TMEM164: variants seen among roughly 807,000 people sequenced by gnomAD.
The protein encoded by TMEM164 is RP13-360B22.2.
In TMEM164, 4 loss-of-function variants were observed where a neutral mutation model predicts 18.8. The ratio of observed to expected loss-of-function variants is 0.21; its 90% CI spans 0.10 to 0.49. The LOEUF (loss-of-function observed/expected upper bound fraction) is 0.49. Among genes scored for constraint, TMEM164 ranks in the 20% least tolerant of loss-of-function variants. The probability of loss-of-function intolerance (pLI) is 0.98; values close to 1 mark genes in which losing one functional copy is unlikely to be tolerated. For synonymous variants in TMEM164, 86 were observed against 101.7 expected (o/e 0.85, Z 0.93); for missense variants, 108 against 239.9 (o/e 0.45, Z 3.63).
At chrX:110,170,923 G>A (rs1332075682) in intron 5 of TMEM164, among the ~76,000 whole-genome samples, 1 of 111,618 alleles carries the variant, frequency 9.0e-6, no homozygotes, top group African/African-American at 3.3e-5. Context: ...GCCCGTAAGC[G>A]GTAGAGTCAA....
At chrX:110,126,298 C>T (rs1351138092) in intron 4 of TMEM164, among the ~76,000 whole-genome samples, 1 of 111,966 alleles carries the variant, frequency 8.9e-6, no homozygotes, top group Admixed American at 9.4e-5. Flanking sequence ...ATCCAGAGCA[C>T]ATCTCTCCCT....
Position 110,167,944 on chromosome X carries a change from C to T in TMEM164, c.587-3476C>T, listed in dbSNP as rs188130739. ...GTTCCTTTCCCTCTGCAGCATGGGG[C>T]AAGACGGGAGGAGCATGATAACAGG... On this transcript the variant is annotated intron_variant, in intron 5 of 6. Transcript: ENST00000372068. Among the ~76,000 whole-genome samples the T allele has an allele frequency of 6.2e-5, 7 of 112,110 alleles. No homozygotes were observed. The East Asian group carries it at 2.0e-3, about 31-fold the overall frequency.
intron 4 of TMEM164, among the ~76,000 whole-genome samples, chrX:110,121,688 T>C (rs766784324): frequency 2.3e-3 from 263 of 112,449 alleles, no homozygotes; most frequent in Middle Eastern, 4.6e-3. Flanking sequence ...TTTGTCTGCT[T>C]TGGAGTATGT....
At chrX:110,148,180 T>C (rs1260537482) in intron 5 of TMEM164, among the ~76,000 whole-genome samples, 1 of 111,333 alleles carries the variant, frequency 9.0e-6, no homozygotes, top group Non-Finnish European at 1.9e-5. Flanking sequence ...TCACAAGTCC[T>C]GTGCTAAATC....
intron 2 of TMEM164, among the ~76,000 whole-genome samples, chrX:110,011,966 G>A (rs1271710455): frequency 8.9e-6 from 1 of 112,078 alleles, no homozygotes; most frequent in Admixed American, 9.4e-5. Flanking sequence ...GTCATTTCTA[G>A]GCTGTTGATA....
At chrX:110,005,390 T>C (rs1932636625) in intron 2 of TMEM164, among the ~76,000 whole-genome samples, 1 of 111,387 alleles carries the variant, frequency 9.0e-6, no homozygotes, top group Non-Finnish European at 1.9e-5. Context: ...AGGGTGGCAG[T>C]GGGTGGTGGG....
chrX:110,107,620 C>T (rs1438857836), intron 3 of TMEM164, among the ~76,000 whole-genome samples: 1 of 109,490 alleles, frequency 9.1e-6, no homozygotes, highest in African/African-American at 3.3e-5. Context: ...TTCAGTCTGT[C>T]TCCCTTCCCT....
chrX:110,109,657 C>T (rs373735642), intron 4 of TMEM164, among the ~76,000 whole-genome samples: 18 of 112,423 alleles, frequency 1.6e-4, no homozygotes, highest in East Asian at 5.6e-4. Context: ...GAATAATTTG[C>T]TGTGGGAGCC....
At chrX:110,037,112 TAGAG>T (rs201255587) in intron 2 of TMEM164, among the ~76,000 whole-genome samples, 13 of 106,381 alleles carry the variant, frequency 1.2e-4, no homozygotes, top group Admixed American at 1.0e-4. Flanking sequence ...GGTAGAGCCG[TAGAG>T]AGAGAGAGAG....
At chrX:110,123,720 A>G (rs1278089546) in intron 4 of TMEM164, among the ~76,000 whole-genome samples, 1 of 112,555 alleles carries the variant, frequency 8.9e-6, no homozygotes, top group Admixed American at 9.4e-5. Flanking sequence ...GCTCACGCCT[A>G]TAACTGCAAC....
chrX:110,163,220 A>AATTCT, intron 5 of TMEM164, among the ~76,000 whole-genome samples: 1 of 112,003 alleles, frequency 8.9e-6, no homozygotes. Context: ...AAGAGAGAGG[A>AATTCT]ATTCTAGGTA....
intron 3 of TMEM164, among the ~76,000 whole-genome samples, chrX:110,087,372 G>A (rs961693268): frequency 2.7e-5 from 3 of 111,752 alleles, no homozygotes; most frequent in Non-Finnish European, 5.6e-5. Flanking sequence ...GTTTGTTGTT[G>A]TTGTTTTTGA....
chrX:110,117,493 A>C (rs750328294), intron 4 of TMEM164, among the ~76,000 whole-genome samples: 1 of 112,360 alleles, frequency 8.9e-6, no homozygotes, highest in East Asian at 2.8e-4. Context: ...AACACATAGA[A>C]ATGATAAATA....
At chrX:110,153,332 A>G (rs183174876) in intron 5 of TMEM164, among the ~76,000 whole-genome samples, 1 of 112,069 alleles carries the variant, frequency 8.9e-6, no homozygotes, top group African/African-American at 3.2e-5. Context: ...ATGACCTTCT[A>G]TTCAGGGATG....
intron 3 of TMEM164, among the ~76,000 whole-genome samples, chrX:110,084,413 G>GTA (rs1272096864): frequency 2.4e-3 from 21 of 8,752 alleles, no homozygotes; most frequent in East Asian, 5.8e-3. Context: ...TATATATAGT[G>GTA]TATATATATA....
At chrX:110,026,619 C>T (rs1386779426) in intron 2 of TMEM164, among the ~76,000 whole-genome samples, 1 of 111,605 alleles carries the variant, frequency 9.0e-6, no homozygotes, top group African/African-American at 3.3e-5. Context: ...AGGCATTGTC[C>T]TAAGTGCCTT....
intron 2 of TMEM164, chrX:110,055,542 G>A (rs1935785702): frequency 7.5e-6 from 1 of 133,249 alleles, no homozygotes; most frequent in African/African-American, 3.2e-5. Context: ...GCTGTGACCA[G>A]GAAAGGAAGA....
intron 3 of TMEM164, among the ~76,000 whole-genome samples, chrX:110,102,402 A>G (rs1351009587): frequency 9.0e-6 from 1 of 111,597 alleles, no homozygotes; most frequent in Non-Finnish European, 1.9e-5. Context: ...TGTTCAGTTC[A>G]AAATATTTTA....
rs760795175 is a variant in TMEM164, at chrX:110,046,326, G to A, written c.391-21021G>A. ...TTATCCTATTTAACCTCTCAGTAGA[G>A]TATTTGCCTTTTGCTTATTCCTCTT... On this transcript the variant is annotated intron_variant, in intron 2 of 6. Coordinates refer to ENST00000372068, the MANE Select transcript of TMEM164 (RefSeq NM_032227.4). 5 of 752,859 alleles carry A rather than the reference G, an allele frequency of 6.6e-6. No individual in the cohort carries two copies. The East Asian group carries it at 4.6e-4, about 69-fold the overall frequency. The allele number at this position is 752,859 out of a possible 1,213,427, so 62.0% of individuals were successfully genotyped here.
Sources: gnomAD v4.1 joint callset for allele counts (sites outside exome capture counted in the v4.1 genomes callset) on GRCh38, gnomAD v4.1.1 for gene constraint, MANE v1.5 for transcripts, NCBI Gene and HGNC (gene_info 2026-07-23, HGNC 2026-07-21) for gene names.